RIC1: variants seen among roughly 807,000 people sequenced by gnomAD.
RIC1 encodes the protein RIC1 partner of RAB6A GEF complex, also known as guanine nucleotide exchange factor subunit RIC1.
Under a neutral mutation model 169.0 loss-of-function variants are expected in RIC1, and 88 were observed. The observed-to-expected ratio is 0.52, with a 90% confidence interval of 0.44 to 0.62. The LOEUF is 0.62. Among genes scored for constraint, RIC1 ranks in the 20% least tolerant of loss-of-function variants. RIC1 has a pLI of 0.00. For missense variants in RIC1, 1,877 were observed against 1,725.5 expected (o/e 1.09, Z -1.56); for synonymous variants, 790 against 601.5 (o/e 1.31, Z -4.59).
chr9:5,703,176 C>T (rs1334063210), intron 3 of RIC1, among the ~76,000 whole-genome samples: 2 of 152,156 alleles, frequency 1.3e-5, no homozygotes, highest in African/African-American at 4.8e-5. Flanking sequence ...GCCTATGAGC[C>T]TGTAAAATCA....
chr9:5,738,465 C>T lies in RIC1; in HGVS notation c.828C>T (p.Val276=). 2 of 1,600,356 alleles carry T rather than the reference C, an allele frequency of 1.2e-6. No homozygotes were observed. Among genetic ancestry groups the T allele is most frequent in the Non-Finnish European group, 1.7e-6 (2 of 1,175,108 alleles). The change falls in exon 8 of 26, where the codon GTC becomes GTT. Residue 276 remains valine (V), a synonymous_variant. Coordinates refer to ENST00000414202, the MANE Select transcript of RIC1 (RefSeq NM_020829.4). ...GTTTTCACAGTGGTTCTGTGCAGGTCTATACAATAGATAACAGCACTGGAG... is the reference window on the plus strand; with the variant it reads ...GTTTTCACAGTGGTTCTGTGCAGGTTTATACAATAGATAACAGCACTGGAG... ...AFGCVSGSVQ[V]YTIDNSTGAM... is the part of the protein sequence containing the mutation.
At chr9:5,665,355 T>C (rs959655798) in intron 2 of RIC1, among the ~76,000 whole-genome samples, 4 of 152,182 alleles carry the variant, frequency 2.6e-5, no homozygotes, top group African/African-American at 9.7e-5. Flanking sequence ...TGTTTTGTCA[T>C]GTTTCTTACT....
chr9:5,667,091 G>C (rs913028456), intron 2 of RIC1, among the ~76,000 whole-genome samples: 4 of 152,146 alleles, frequency 2.6e-5, no homozygotes, highest in Non-Finnish European at 5.9e-5. Context: ...TTGGGAAGCT[G>C]AGGCGGGAGG....
chr9:5,674,318 T>G (rs947430233), intron 2 of RIC1, among the ~76,000 whole-genome samples: 1 of 152,140 alleles, frequency 6.6e-6, no homozygotes, highest in Non-Finnish European at 1.5e-5. Flanking sequence ...AAAATTCATA[T>G]AAGCTAAAAT....
intron 6 of RIC1, among the ~76,000 whole-genome samples, chr9:5,721,450 G>C (rs150181664): frequency 6.6e-6 from 1 of 152,162 alleles, no homozygotes; most frequent in East Asian, 1.9e-4. Flanking sequence ...ACACACGCGC[G>C]TGCACACACA....
intron 2 of RIC1, among the ~76,000 whole-genome samples, chr9:5,675,162 C>T (rs893984966): frequency 1.3e-5 from 2 of 152,116 alleles, no homozygotes; most frequent in Non-Finnish European, 2.9e-5. Context: ...TTAGACCGCA[C>T]AGGCTAAACT....
At chr9:5,740,993 C>T (rs1825053148) in intron 8 of RIC1, among the ~76,000 whole-genome samples, 2 of 152,174 alleles carry the variant, frequency 1.3e-5, no homozygotes, top group Middle Eastern at 3.2e-3. Context: ...GAAAAACCTC[C>T]CATACATCCC....
In RIC1 at chr9:5,714,074, A is replaced by G. The variant is rs572521688; in HGVS notation, c.440+71A>G. ...AATGTAGTTCGTAAATCCCATGACC[A>G]ACAGGAAAGTTAGTTTAATTTCTTT... is the stretch of plus-strand genomic sequence containing the variant. On this transcript the variant is annotated intron_variant, in intron 4 of 25. Coordinates refer to ENST00000414202, the MANE Select transcript of RIC1 (RefSeq NM_020829.4). 4.4e-6 allele frequency: 4 copies of G among 917,772 alleles called. No individual in the cohort carries two copies. The East Asian group carries it at 7.8e-5, about 18-fold the overall frequency. The allele number at this position is 917,772 out of a possible 1,614,324, so 56.9% of individuals were successfully genotyped here. A position where few individuals can be genotyped will look rare whatever the true frequency, so the allele number is the denominator to read the frequency against.
At chr9:5,684,367 G>C (rs980427791) in intron 2 of RIC1, among the ~76,000 whole-genome samples, 9 of 141,880 alleles carry the variant, frequency 6.3e-5, no homozygotes, top group African/African-American at 2.1e-4. Flanking sequence ...TGAATCTTTG[G>C]ATCCATTTGG....
At chr9:5,721,594 G>A (rs1210713773) in intron 6 of RIC1, among the ~76,000 whole-genome samples, 1 of 152,138 alleles carries the variant, frequency 6.6e-6, no homozygotes, top group Non-Finnish European at 1.5e-5. Context: ...TATCCCTCTG[G>A]ATCACCAGTT....
chr9:5,771,219 C>T (rs1241506926), intron 23 of RIC1, among the ~76,000 whole-genome samples: 2 of 152,314 alleles, frequency 1.3e-5, no homozygotes, highest in African/African-American at 4.8e-5. Context: ...AGCAGCTCCT[C>T]ATACCTTCTT....
chr9:5,651,098 T>A (rs1332673965), intron 1 of RIC1, among the ~76,000 whole-genome samples: 2 of 152,120 alleles, frequency 1.3e-5, no homozygotes, highest in East Asian at 3.9e-4. Flanking sequence ...TCTAAGAAGT[T>A]CTCTATGCTA....
intron 3 of RIC1, among the ~76,000 whole-genome samples, chr9:5,693,555 A>G (rs1586960800): frequency 6.6e-6 from 1 of 152,142 alleles, no homozygotes; most frequent in Non-Finnish European, 1.5e-5. Flanking sequence ...ATCTCTTCAT[A>G]TTAGTTACAC....
At chr9:5,661,882 T>TGA (rs1489145755) in intron 2 of RIC1, among the ~76,000 whole-genome samples, 1 of 152,222 alleles carries the variant, frequency 6.6e-6, no homozygotes, top group Non-Finnish European at 1.5e-5. Flanking sequence ...ATAGGACTGG[T>TGA]GAGAGAGGGC....
At chr9:5,736,574 A>G (rs535272360) in intron 7 of RIC1, among the ~76,000 whole-genome samples, 2 of 152,304 alleles carry the variant, frequency 1.3e-5, no homozygotes, top group Admixed American at 1.3e-4. Flanking sequence ...TAGAGTTCAT[A>G]ATATAGACAC....
At chr9:5,718,281 G>C (rs73641648) in intron 4 of RIC1, among the ~76,000 whole-genome samples, 1 of 149,440 alleles carries the variant, frequency 6.7e-6, no homozygotes, top group Admixed American at 6.7e-5. Context: ...TTTATGGCTT[G>C]TCTTTACAGC....
intron 2 of RIC1, among the ~76,000 whole-genome samples, chr9:5,676,444 T>G (rs1820447981): frequency 6.6e-6 from 1 of 152,206 alleles, no homozygotes; most frequent in South Asian, 2.1e-4. Context: ...GTATTAAAAT[T>G]AATTTGTTAT....
At chr9:5,653,207 C>G (rs932167231) in intron 1 of RIC1, among the ~76,000 whole-genome samples, 4 of 152,062 alleles carry the variant, frequency 2.6e-5, no homozygotes, top group Non-Finnish European at 5.9e-5. Flanking sequence ...GTTGTACTTC[C>G]TTTCCTTGTT....
chr9:5,701,322 ATGTT>A (rs1715613461), intron 3 of RIC1, among the ~76,000 whole-genome samples: 1 of 152,178 alleles, frequency 6.6e-6, no homozygotes, highest in South Asian at 2.1e-4. Context: ...TTAGAAATAA[ATGTT>A]TGGGCTGGGT....
Sources: allele counts gnomAD v4.1 joint callset (sites outside exome capture counted in the v4.1 genomes callset), GRCh38; gene constraint gnomAD v4.1.1; transcripts MANE v1.5; gene names NCBI Gene and HGNC (gene_info 2026-07-23, HGNC 2026-07-21).